Variants in LNX1 observed in about 807,000 individuals in gnomAD.
The protein encoded by LNX1 is E3 ubiquitin-protein ligase LNX.
Under a neutral mutation model 68.4 loss-of-function variants are expected in LNX1, and 54 were observed. The ratio of observed to expected loss-of-function variants is 0.79; its 90% CI spans 0.63 to 0.99. LNX1 has a LOEUF of 0.99. LNX1 is among the 50% of genes least tolerant of loss of function. The pLI is 0.00. For missense variants in LNX1, 906 were observed against 926.4 expected, an observed-to-expected ratio of 0.98 and a Z score of 0.29; for synonymous variants, 336 against 350.0, an observed-to-expected ratio of 0.96 and a Z score of 0.45.
chr4:53,613,726 G>C (rs561945783), intron 2 of LNX1, among the ~76,000 whole-genome samples: 2 of 152,300 alleles, frequency 1.3e-5, no homozygotes, highest in East Asian at 3.9e-4. Flanking sequence ...TATTTAGGTT[G>C]ATTCCATGTC....
chr4:53,507,534 T>C, intron 3 of LNX1, 65 bp from the exon 4 acceptor site: 2 of 1,519,162 alleles, frequency 1.3e-6, no homozygotes, highest in Non-Finnish European at 1.8e-6. Flanking sequence ...TATGTACATA[T>C]CTGATAAGAT....
At chr4:53,636,078 T>C (rs1248033124) in intron 1 of LNX1, among the ~76,000 whole-genome samples, 1 of 152,030 alleles carries the variant, frequency 6.6e-6, no homozygotes, top group Non-Finnish European at 1.5e-5. Context: ...GATGCTGAAC[T>C]TTATTGGTCG....
chr4:53,481,949 T>G lies in LNX1; in HGVS notation c.1351-95A>C. ...AAAAACATCACTTTGATTATACCATTTTTTTATGGCAAAACATGATTTCTA... is the reference window on the plus strand; with the variant it reads ...AAAAACATCACTTTGATTATACCATGTTTTTATGGCAAAACATGATTTCTA... On this transcript the variant is annotated intron_variant, in intron 6 of 10. Coordinates refer to ENST00000263925, the MANE Select transcript of LNX1 (RefSeq NM_001126328.3). 6 of 1,368,950 alleles carry G rather than the reference T, an allele frequency of 4.4e-6. No individual in the cohort carries two copies. The South Asian group carries it at 9.3e-5, about 21-fold the overall frequency. 84.8% of individuals were successfully genotyped at this position (1,368,950 alleles called of 1,614,324 possible). A position where few individuals can be genotyped will look rare whatever the true frequency, so the allele number is the denominator to read the frequency against.
chr4:53,557,846 C>T (rs1730022911), intron 2 of LNX1: 2 of 1,612,440 alleles, frequency 1.2e-6, no homozygotes, highest in South Asian at 1.1e-5. Context: ...CACATAAACA[C>T]ACAGGCACGG....
At chr4:53,509,634 G>A (rs1296096352) in intron 2 of LNX1, among the ~76,000 whole-genome samples, 2 of 152,180 alleles carry the variant, frequency 1.3e-5, no homozygotes, top group African/African-American at 4.8e-5. Context: ...TTTGCCAAAA[G>A]TACTAGAATG....
chr4:53,557,707 C>T (rs1730014808), intron 2 of LNX1, among the ~76,000 whole-genome samples: 7 of 149,954 alleles, frequency 4.7e-5, no homozygotes, highest in Admixed American at 4.0e-4. Flanking sequence ...TGTTAAGTCA[C>T]AGACAGCTAA....
intron 6 of LNX1, among the ~76,000 whole-genome samples, chr4:53,491,659 G>C (rs1301967152): frequency 1.3e-5 from 2 of 152,148 alleles, no homozygotes; most frequent in Non-Finnish European, 2.9e-5. Flanking sequence ...ATCCCTAGGA[G>C]ATAAAGTTAA....
intron 2 of LNX1, among the ~76,000 whole-genome samples, chr4:53,529,477 G>A (rs1727868615): frequency 1.3e-5 from 2 of 152,174 alleles, no homozygotes; most frequent in Non-Finnish European, 2.9e-5. Context: ...ATTCACATAA[G>A]ACTGCGATGC....
intron 7 of LNX1, among the ~76,000 whole-genome samples, chr4:53,481,224 C>T (rs1723890919): frequency 6.6e-6 from 1 of 152,078 alleles, no homozygotes; most frequent in African/African-American, 2.4e-5. Flanking sequence ...TCTGGTTTGC[C>T]CCAATCCCCA....
At chr4:53,574,981 C>T (rs1351382799) in intron 1 of LNX1, among the ~76,000 whole-genome samples, 4 of 130,944 alleles carry the variant, frequency 3.1e-5, no homozygotes, top group African/African-American at 1.3e-4. Flanking sequence ...TTAGATATTT[C>T]GTTTTTTTTT....
chr4:53,492,078 C>T (rs184169968), intron 6 of LNX1, among the ~76,000 whole-genome samples: 12 of 152,208 alleles, frequency 7.9e-5, no homozygotes, highest in Admixed American at 3.9e-4. Context: ...TGAGCCACTG[C>T]GCTTGGCTGA....
intron 6 of LNX1, among the ~76,000 whole-genome samples, chr4:53,493,676 G>A (rs917269975): frequency 5.9e-5 from 9 of 152,226 alleles, no homozygotes; most frequent in Admixed American, 2.0e-4. Context: ...ACAGTCTTTT[G>A]ATGATCACCC....
intron 2 of LNX1, among the ~76,000 whole-genome samples, chr4:53,550,287 C>T (rs540282496): frequency 1.2e-4 from 19 of 152,238 alleles, no homozygotes; most frequent in African/African-American, 4.6e-4. Context: ...CCAAATGGGC[C>T]CTGGCTTTGC....
chr4:53,577,000 T>C, intron 1 of LNX1, among the ~76,000 whole-genome samples: 1 of 152,214 alleles, frequency 6.6e-6, no homozygotes, highest in East Asian at 1.9e-4. Flanking sequence ...TATAAAAACA[T>C]TTAGAAATTG....
chr4:53,564,755 G>T (rs1367320534), intron 2 of LNX1, among the ~76,000 whole-genome samples: 2 of 152,070 alleles, frequency 1.3e-5, no homozygotes, highest in African/African-American at 2.4e-5. Flanking sequence ...ACTAGGGAGT[G>T]CCAGACAGTG....
chr4:53,530,299 C>T (rs1727927621), intron 2 of LNX1, among the ~76,000 whole-genome samples: 1 of 151,852 alleles, frequency 6.6e-6, no homozygotes, highest in African/African-American at 2.4e-5. Flanking sequence ...GATATGTAAT[C>T]AAAGATTGTA....
chr4:53,496,293 C>T lies in LNX1; in HGVS notation c.1080G>A (p.Lys360=). ...VLWLTVMREQ[K]FRSRNNGQAP... ...CCTGTCCATTGTTCCTGCTGCGGAA[C>T]TTCTGTTCACGCATCACAGTCAGCC... The change falls in exon 6 of 11, where the codon AAG becomes AAA. Residue 360 remains lysine, a synonymous_variant. Transcript: ENST00000263925. 2 of 1,614,220 alleles carry T rather than the reference C, an allele frequency of 1.2e-6. No individual in the cohort carries two copies. Among genetic ancestry groups the T allele is most frequent in the Non-Finnish European group, 1.7e-6 (2 of 1,180,030 alleles).
chr4:53,640,906 G>C (rs1448045449), intron 1 of LNX1, among the ~76,000 whole-genome samples: 2 of 152,214 alleles, frequency 1.3e-5, no homozygotes, highest in Non-Finnish European at 2.9e-5. Context: ...GACAGTCTTT[G>C]TTTTTCTCAG....
upstream of LNX1, among the ~76,000 whole-genome samples, chr4:53,595,638 G>A (rs918134787): frequency 6.6e-6 from 1 of 152,138 alleles, no homozygotes; most frequent in Non-Finnish European, 1.5e-5. Context: ...ACTCAAAGTT[G>A]GGCCTGTCCT....
Sources: gnomAD v4.1 joint callset for allele counts (sites outside exome capture counted in the v4.1 genomes callset) on GRCh38, gnomAD v4.1.1 for gene constraint, MANE v1.5 for transcripts, NCBI Gene and HGNC (gene_info 2026-07-23, HGNC 2026-07-21) for gene names.